APC: variants seen among roughly 807,000 people sequenced by gnomAD.
APC encodes the protein APC regulator of Wnt signaling pathway.
Under a neutral mutation model 247.0 loss-of-function variants are expected in APC, and 72 were observed. That is an observed-to-expected ratio of 0.29 (90% confidence interval 0.24 to 0.35). The LOEUF (loss-of-function observed/expected upper bound fraction) is 0.35, where lower values mean the gene tolerates loss of function less well. Among genes scored for constraint, APC ranks in the 10% least tolerant of loss-of-function variants. The pLI is 1.00. For missense variants in APC, 3,400 were observed against 3,360.7 expected (o/e 1.01, Z -0.29); for synonymous variants, 1,254 against 1,162.5 (o/e 1.08, Z -1.60).
intron 1 of APC, among the ~76,000 whole-genome samples, chr5:112,741,264 C>T (rs188996022): frequency 2.0e-5 from 3 of 152,166 alleles, no homozygotes; most frequent in Non-Finnish European, 4.4e-5. Context: ...TTTATATAAT[C>T]TAAGATATCC....
intron 15 of APC, among the ~76,000 whole-genome samples, chr5:112,835,682 C>T (rs1218138893): frequency 6.6e-6 from 1 of 151,402 alleles, no homozygotes; most frequent in African/African-American, 2.4e-5. Flanking sequence ...AAGCGATTCT[C>T]CCACCTCAGC....
In APC at chr5:112,842,210, A is replaced by G. The variant is rs1580672759; in HGVS notation, c.6616A>G (p.Asn2206Asp). The change falls in exon 16 of 16, where the codon AAT (asparagine) becomes GAT (aspartate). Residue 2206 changes from asparagine (N) to aspartate (D), a missense_variant. Coordinates refer to ENST00000257430, the MANE Select transcript of APC (RefSeq NM_000038.6). ...TTTGATTACTGGAAAAGTTCGATCTAATTCAGAAATTTCAGGCCAAATGAA... is the reference window on the plus strand; with the variant it reads ...TTTGATTACTGGAAAAGTTCGATCTGATTCAGAAATTTCAGGCCAAATGAA... ...KSLITGKVRS[N>D]SEISGQMKQP... 6.2e-7 allele frequency: 1 copy of G among 1,613,578 alleles called. No individual in the cohort carries two copies. Among genetic ancestry groups the G allele is most frequent in the Non-Finnish European group, 8.5e-7 (1 of 1,179,450 alleles).
intron 8 of APC, among the ~76,000 whole-genome samples, chr5:112,808,142 G>A (rs530742845): frequency 9.9e-5 from 15 of 152,206 alleles, no homozygotes; most frequent in African/African-American, 4.8e-5. Context: ...GCAAGAGAGC[G>A]AGACTCTGCC....
rs76685252 is a variant in APC, at chr5:112,792,447, G to A, written c.647G>A (p.Arg216Gln). 2.8e-5 allele frequency: 45 copies of A among 1,606,644 alleles called. No individual in the cohort carries two copies. In the African/African-American group the frequency reaches 2.9e-4, roughly 11 times the overall value. ...TCQDMEKRAQRRIARIQQIEK... is the reference protein window; with the variant it reads ...TCQDMEKRAQQRIARIQQIEK... Reference sequence around the variant, plus strand: ...ATTAGGTTTCTTGTTTTATTTTAGCGAAGAATAGCCAGAATTCAGCAAATC... The same window carrying A: ...ATTAGGTTTCTTGTTTTATTTTAGCAAAGAATAGCCAGAATTCAGCAAATC... The change falls in exon 7 of 16, where the codon CGA becomes CAA. Residue 216 changes from arginine (R) to glutamine (Q), a missense_variant and splice_region_variant. Arg to Gln is a conservative substitution (Grantham distance 43). Coordinates refer to ENST00000257430, the MANE Select transcript of APC (RefSeq NM_000038.6).
At chr5:112,820,059 C>A (rs927730840) in intron 10 of APC, among the ~76,000 whole-genome samples, 1 of 152,116 alleles carries the variant, frequency 6.6e-6, no homozygotes, top group African/African-American at 2.4e-5. Context: ...ACCTCAGCCC[C>A]ACTCCCGCAG....
rs1554085069 is a variant in APC at position 112,839,100 on chromosome 5, A to C, written c.3506A>C (p.Glu1169Ala). The change falls in exon 16 of 16, where the codon GAG becomes GCG. Residue 1169 changes from glutamate to alanine, a missense_variant. Glu to Ala is a moderately radical substitution (Grantham distance 107). This residue lies in a region of APC where 715 missense variants were observed against 656.6 expected (regional missense o/e 1.09). Transcript: ENST00000257430. This position sits in a 1 kb window ranked among gnomAD's most constrained non-coding sequence, Gnocchi z 5.0. ...PTNYSIKYNE[E>A]KRHVDQPIDY... ...AATTATAGCATAAAATATAATGAAG[A>C]GAAACGTCATGTGGATCAGCCTATT... The C allele has an allele frequency of 6.2e-7, 1 of 1,614,136 alleles. No homozygotes were observed.
intron 6 of APC, among the ~76,000 whole-genome samples, chr5:112,788,274 A>C (rs900423985): frequency 6.6e-6 from 1 of 152,160 alleles, no homozygotes. Flanking sequence ...TACTCTTGTC[A>C]TGTAAACTTT....
chr5:112,744,057 G>T (rs1267873132), intron 1 of APC, among the ~76,000 whole-genome samples: 1 of 151,892 alleles, frequency 6.6e-6, no homozygotes, highest in Non-Finnish European at 1.5e-5. Flanking sequence ...GCACAGGCTG[G>T]TCTCGAACTC....
intron 2 of APC, among the ~76,000 whole-genome samples, chr5:112,757,153 TA>T (rs1755072343): frequency 6.6e-6 from 1 of 152,216 alleles, no homozygotes; most frequent in Non-Finnish European, 1.5e-5. Context: ...TCCATTAACA[TA>T]TTTCCTTAGA....
Position 112,814,192 on chromosome 5 carries a change from C to G in APC, c.835-1303C>G, listed in dbSNP as rs541613969. 7.9e-5 allele frequency among the ~76,000 whole-genome samples: 12 copies of G among 152,308 alleles called. No individual in the cohort carries two copies. The South Asian group carries it at 1.9e-3, about 24-fold the overall frequency. On this transcript the variant is annotated intron_variant, in intron 8 of 15. Transcript: ENST00000257430. ...AGAATGCCTGCAAATATTGCTGACA[C>G]TATTCTTACAGTCATTTCCTTAATT...
rs1300729539 is a variant in APC, at chr5:112,839,698, A to G, written c.4104A>G (p.Thr1368=). The change falls in exon 16 of 16, where the codon ACA becomes ACG. Residue 1368 remains threonine, a synonymous_variant. Coordinates refer to ENST00000257430, the MANE Select transcript of APC (RefSeq NM_000038.6). The surrounding 1 kb of genome is among the most constrained non-coding windows in gnomAD (Gnocchi z 5.0). ...CTCCCTCCAAAAGTGGTGCTCAGAC[A>G]CCCAAAAGTCCACCTGAACACTATG... The part of the protein sequence containing the change: ...AKSPSKSGAQ[T]PKSPPEHYVQ... 1 of 1,613,956 alleles carries G rather than the reference A, an allele frequency of 6.2e-7. No individual in the cohort carries two copies. The highest frequency in any genetic ancestry group is 8.5e-7 in the Non-Finnish European group (1 of 1,180,008).
intron 4 of APC, among the ~76,000 whole-genome samples, chr5:112,770,030 A>G (rs1322281228): frequency 6.6e-6 from 1 of 152,068 alleles, no homozygotes; most frequent in African/African-American, 2.4e-5. Context: ...ATGCATACTA[A>G]CCTTTCCTTA....
chr5:112,749,095 G>T (rs977028974), intron 1 of APC, among the ~76,000 whole-genome samples: 1 of 152,142 alleles, frequency 6.6e-6, no homozygotes, highest in African/African-American at 2.4e-5. Flanking sequence ...AATGTAGCGA[G>T]TGACACATAT....
chr5:112,830,292 G>A lies in APC; in HGVS notation c.1743+1320G>A, dbSNP rs75190104. Among the ~76,000 whole-genome samples the A allele has an allele frequency of 0.055, 8,381 of 152,144 alleles. 437 individuals are homozygous for A. The highest frequency in any genetic ancestry group is 0.15 in the East Asian group (790 of 5,184). ...AGACATTTAAGAAAAGAACATGGCC[G>A]ATAAGCCCTTGAAAAGATACTTAAT... On this transcript the variant is annotated intron_variant, in intron 14 of 15. Transcript: ENST00000257430.
chr5:112,778,481 AAG>A (rs918362507), intron 5 of APC: 3 of 151,852 alleles, frequency 2.0e-5, no homozygotes, highest in Non-Finnish European at 4.4e-5. Context: ...AAAAAAAAAA[AAG>A]AAAATTATAT....
At chr5:112,751,116 G>A (rs1356637243) in intron 1 of APC, among the ~76,000 whole-genome samples, 4 of 151,768 alleles carry the variant, frequency 2.6e-5, no homozygotes, top group Non-Finnish European at 4.4e-5. Context: ...AAATAACTTT[G>A]GACTTACAGA....
At position 112,707,535 on chromosome 5, in the gene APC, G is replaced by A. The variant is rs892252479; in HGVS notation, c.-183G>A. On this transcript the variant is annotated 5_prime_UTR_variant, in exon 1 of 14. Coordinates refer to the APC transcript ENST00000507379. The stretch of plus-strand genomic sequence containing the variant: ...TCCCACCTCCCACAAGATGGCGGAG[G>A]GCAAGTAGCAAGGGGGCGGGGTGTG... The A allele has an allele frequency of 4.0e-6, 2 of 499,682 alleles. No individual in the cohort carries two copies. The highest frequency in any genetic ancestry group is 3.2e-5 in the Admixed American group (1 of 30,810). The allele number at this position is 499,682 out of a possible 1,614,324, so 31.0% of individuals were successfully genotyped here. A position where few individuals can be genotyped will look rare whatever the true frequency, so the allele number is the denominator to read the frequency against.
At chr5:112,741,018 C>T (rs967073990) in intron 1 of APC, among the ~76,000 whole-genome samples, 6 of 152,038 alleles carry the variant, frequency 3.9e-5, no homozygotes, top group Non-Finnish European at 8.8e-5. Flanking sequence ...GAATCTGAAA[C>T]CTACCTATGC....
intron 4 of APC, among the ~76,000 whole-genome samples, chr5:112,772,207 G>A (rs1286482974): frequency 6.6e-6 from 1 of 152,080 alleles, no homozygotes; most frequent in African/African-American, 2.4e-5. Flanking sequence ...GAAGACCATT[G>A]GCAATCACAA....
Sources: allele counts gnomAD v4.1 joint callset (sites outside exome capture counted in the v4.1 genomes callset), GRCh38; gene constraint gnomAD v4.1.1; regional missense constraint gnomAD v4.1.1; non-coding constraint Gnocchi (gnomAD v3.1); transcripts MANE v1.5; gene names NCBI Gene and HGNC (gene_info 2026-07-23, HGNC 2026-07-21).